The following NT5C1A variants were observed in gnomAD, a reference collection of about 807,000 sequenced individuals.
NT5C1A encodes cytosolic 5'-nucleotidase 1A.
In NT5C1A, 18 loss-of-function variants were observed where a neutral mutation model predicts 31.0. That is an observed-to-expected ratio of 0.58 (90% CI 0.40 to 0.86). The LOEUF (loss-of-function observed/expected upper bound fraction) is 0.86. Ranked by LOEUF, NT5C1A falls within the 40% of genes least tolerant of loss-of-function variation. The pLI, the probability that NT5C1A is intolerant of heterozygous loss-of-function variation, is 0.00. For missense variants in NT5C1A, 470 were observed against 505.4 expected (o/e 0.93, Z 0.67); for synonymous variants, 185 against 203.6 (o/e 0.91, Z 0.78).
chr1:39,661,917 G>C (rs543618149), intron 4 of NT5C1A, among the ~76,000 whole-genome samples: 1 of 152,330 alleles, frequency 6.6e-6, no homozygotes, highest in South Asian at 2.1e-4. Context: ...TGCCCTGCTG[G>C]CGGCTGGCTG....
At chr1:39,660,919 T>C (rs539901628) in intron 5 of NT5C1A, among the ~76,000 whole-genome samples, 160 bp downstream of exon 5, 1 of 151,952 alleles carries the variant, frequency 6.6e-6, no homozygotes, top group South Asian at 2.1e-4. Context: ...TGGAAGCTCA[T>C]TGATGGGGGG....
intron 4 of NT5C1A, among the ~76,000 whole-genome samples, chr1:39,662,459 G>A (rs1271376122): frequency 6.6e-6 from 1 of 152,174 alleles, no homozygotes; most frequent in African/African-American, 2.4e-5. Context: ...CCAACCAGAG[G>A]GTGTGACATC....
rs373387441 is a variant in NT5C1A at position 39,653,691 on chromosome 1, G to A, written c.*5430C>T. The stretch of plus-strand genomic sequence containing the variant: ...TCACTTGACTACTGCCAGCAGCTGC[G>A]TGCCGGCCTGCAGTGCCACCTACTG... On this transcript the variant is annotated 3_prime_UTR_variant, in exon 6 of 6. Transcript: ENST00000235628. Among the ~76,000 whole-genome samples the A allele has an allele frequency of 2.6e-5, 4 of 152,150 alleles. No homozygotes were observed. The highest frequency in any genetic ancestry group is 5.9e-5 in the Non-Finnish European group (4 of 68,030).
chr1:39,663,385 G>A lies in NT5C1A; in HGVS notation c.483C>T (p.Cys161=), dbSNP rs767924348. 3.1e-6 allele frequency: 5 copies of A among 1,614,120 alleles called. No individual in the cohort carries two copies. The South Asian group carries it at 4.4e-5, about 14-fold the overall frequency. Residue 161 remains cysteine, a synonymous_variant, in exon 4 of 6, where the codon TGC becomes TGT. Coordinates refer to ENST00000235628, the MANE Select transcript of NT5C1A (RefSeq NM_032526.3). ...GGTTGGTGTGATAGGCCTTGAGGTA[G>A]CAGATCGGGCTGTTCCCACCTGTCA... ...FCMTGGNSPI[C]YLKAYHTNLY...
chr1:39,655,161 C>G lies in NT5C1A; in HGVS notation c.*3960G>C, dbSNP rs1420406754. On this transcript the variant is annotated 3_prime_UTR_variant, in exon 6 of 6. Transcript: ENST00000235628. ...TTCATCATGTTGGGCAGGATGGTCT[C>G]GATCTCCTGACCTTGTGATCCACCC... is the stretch of plus-strand genomic sequence containing the variant. 6.6e-6 allele frequency among the ~76,000 whole-genome samples: 1 copy of G among 152,160 alleles called. No homozygotes were observed. The highest frequency in any genetic ancestry group is 2.4e-5 in the African/African-American group (1 of 41,432).
chr1:39,666,666 G>T (rs1330808640), intron 1 of NT5C1A, among the ~76,000 whole-genome samples: 1 of 152,108 alleles, frequency 6.6e-6, no homozygotes, highest in South Asian at 2.1e-4. Context: ...AAATGTATCT[G>T]CAACCCAGAT....
Position 39,661,098 on chromosome 1 carries a change from T to C in NT5C1A, c.722A>G (p.Glu241Gly). The C allele has an allele frequency of 6.3e-7, 1 of 1,587,978 alleles. No homozygotes were observed. The highest frequency in any genetic ancestry group is 8.6e-7 in the Non-Finnish European group (1 of 1,158,736). ...GAGCACCTGAGCCAGAGGTTTGTTC[T>C]CGTGGGCCTTCTCATGCTCGAAGAA... The part of the protein sequence containing the change: ...DRFFEHEKAH[E>G]NKPLAQGPLK... The change falls in exon 5 of 6, where the codon GAG becomes GGG. Residue 241 changes from glutamate (E) to glycine (G), a missense_variant. Glu to Gly is a moderately conservative substitution (Grantham distance 98). Coordinates refer to ENST00000235628, the MANE Select transcript of NT5C1A (RefSeq NM_032526.3).
intron 4 of NT5C1A, 27 bp downstream of exon 4, chr1:39,663,285 A>G: frequency 6.2e-7 from 1 of 1,613,886 alleles, no homozygotes; most frequent in Non-Finnish European, 8.5e-7. Context: ...TGCACTCCCC[A>G]TATTCTTCCT....
rs1646451794 is a variant in NT5C1A at position 39,654,858 on chromosome 1, T to C, written c.*4263A>G. On this transcript the variant is annotated 3_prime_UTR_variant, in exon 6 of 6. Coordinates refer to ENST00000235628, the MANE Select transcript of NT5C1A (RefSeq NM_032526.3). ...TGGCTTGCAGCCTCTGTTGCAACAA[T>C]TCAACTCTGCTGTTGCAGTGTGAAA... Among the ~76,000 whole-genome samples, 2 of 152,254 alleles carry C rather than the reference T, an allele frequency of 1.3e-5. No individual in the cohort carries two copies. The highest frequency in any genetic ancestry group is 2.9e-5 in the Non-Finnish European group (2 of 68,048).
intron 1 of NT5C1A, among the ~76,000 whole-genome samples, chr1:39,666,593 T>A (rs1646524382): frequency 6.6e-6 from 1 of 152,188 alleles, no homozygotes; most frequent in Admixed American, 6.5e-5. Context: ...GTTTCCATTG[T>A]AAAATAAGAG....
chr1:39,668,638 C>G (rs1646535099), intron 1 of NT5C1A, among the ~76,000 whole-genome samples: 1 of 152,232 alleles, frequency 6.6e-6, no homozygotes, highest in Admixed American at 6.5e-5. Context: ...CCTTGCTATT[C>G]CTCTCCTCAA....
rs1646470360 is a variant in NT5C1A at position 39,657,576 on chromosome 1, T to C, written c.*1545A>G. On this transcript the variant is annotated 3_prime_UTR_variant, in exon 6 of 6. Coordinates refer to ENST00000235628, the MANE Select transcript of NT5C1A (RefSeq NM_032526.3). ...CTTCTGTCTCCCTGGGGACCAGCCA[T>C]TGGTGCTTCCACCCTCCCTCTGGAG... Among the ~76,000 whole-genome samples, 1 of 152,198 alleles carries C rather than the reference T, an allele frequency of 6.6e-6. No homozygotes were observed. The highest frequency in any genetic ancestry group is 2.4e-5 in the African/African-American group (1 of 41,442).
chr1:39,667,450 C>G (rs1646529522), intron 1 of NT5C1A, among the ~76,000 whole-genome samples: 2 of 152,196 alleles, frequency 1.3e-5, no homozygotes, highest in African/African-American at 4.8e-5. Context: ...CACCACATCT[C>G]TGTGTCCTGA....
rs1486150724 is a variant in NT5C1A, at chr1:39,652,065, A to G, written c.*7056T>C. 1.9e-3 allele frequency among the ~76,000 whole-genome samples: 253 copies of G among 136,190 alleles called. 1 individual carries two copies. Among genetic ancestry groups the G allele is most frequent in the African/African-American group, 2.5e-3 (90 of 35,334 alleles). The allele number at this position is 136,190 out of a possible 152,430, so 89.3% of individuals were successfully genotyped here. ...AAAAAAAAAAAAAAAAAAAAAAAAA[A>G]AAGAAGTTTGTACATACGCAGTTTT... On this transcript the variant is annotated 3_prime_UTR_variant, in exon 6 of 6. Coordinates refer to ENST00000235628, the MANE Select transcript of NT5C1A (RefSeq NM_032526.3).
chr1:39,653,475 A>T lies in NT5C1A; in HGVS notation c.*5646T>A, dbSNP rs1460472645. Among the ~76,000 whole-genome samples the T allele has an allele frequency of 1.3e-5, 2 of 152,100 alleles. No individual in the cohort carries two copies. The highest frequency in any genetic ancestry group is 3.9e-4 in the East Asian group (2 of 5,192). ...GTACGATTTTTATCCTGTTGCACAA[A>T]CTTAATATGTGTGCATCCATACACA... is the stretch of plus-strand genomic sequence containing the variant. On this transcript the variant is annotated 3_prime_UTR_variant, in exon 6 of 6. Transcript: ENST00000235628.
In NT5C1A at chr1:39,655,023, C is replaced by A. The variant is rs943854313; in HGVS notation, c.*4098G>T. ...GTGGCGTGATCTCGGTTCACTGCAA[C>A]CTCCGCCTTCCGGGTTCAAGTGATC... is the stretch of plus-strand genomic sequence containing the variant. On this transcript the variant is annotated 3_prime_UTR_variant, in exon 6 of 6. Transcript: ENST00000235628. Among the ~76,000 whole-genome samples, 16 of 152,212 alleles carry A rather than the reference C, an allele frequency of 1.1e-4. 1 individual carries two copies. Among genetic ancestry groups the A allele is most frequent in the Admixed American group, 9.1e-4 (14 of 15,304 alleles).
Position 39,671,945 on chromosome 1 carries a change from T to C in NT5C1A, c.94A>G (p.Ile32Val), listed in dbSNP as rs1646554643. The change falls in exon 1 of 6, where the codon ATT becomes GTT. Residue 32 changes from isoleucine (I) to valine (V), a missense_variant. By Grantham distance (29) the Ile-to-Val change is conservative. Coordinates refer to ENST00000235628, the MANE Select transcript of NT5C1A (RefSeq NM_032526.3). The part of the protein sequence containing the change: ...AAAPVWEEAK[I>V]FYDNLAPKKK... The stretch of plus-strand genomic sequence containing the variant: ...TTGGGCGCGAGGTTGTCGTAGAAAA[T>C]CTTGGCTTCCTCCCAGACCGGGGCC... 2 of 1,613,074 alleles carry C rather than the reference T, an allele frequency of 1.2e-6. No homozygotes were observed. The highest frequency in any genetic ancestry group is 1.1e-5 in the South Asian group (1 of 91,082).
chr1:39,660,373 A>G (rs182979922), intron 5 of NT5C1A, among the ~76,000 whole-genome samples: 2 of 152,330 alleles, frequency 1.3e-5, no homozygotes, highest in Admixed American at 1.3e-4. Flanking sequence ...GAGAATCCCA[A>G]CAGCCCCAAC....
intron 1 of NT5C1A, among the ~76,000 whole-genome samples, chr1:39,670,986 GA>G (rs1183138905): frequency 1.5e-4 from 23 of 152,290 alleles, no homozygotes; most frequent in African/African-American, 5.1e-4. Flanking sequence ...GCAGAGCTTG[GA>G]GGTGCTAATT....
Sources: allele counts gnomAD v4.1 joint callset (sites outside exome capture counted in the v4.1 genomes callset), GRCh38; gene constraint gnomAD v4.1.1; transcripts MANE v1.5; gene names NCBI Gene and HGNC (gene_info 2026-07-23, HGNC 2026-07-21).